Variants in EHBP1 observed in about 807,000 individuals in gnomAD.
The protein encoded by EHBP1 is EH domain-binding protein 1.
A neutral mutation model predicts 144.0 loss-of-function variants in EHBP1; 55 were observed. The ratio of observed to expected loss-of-function variants is 0.38; its 90% CI spans 0.31 to 0.48. The LOEUF is 0.48. Among genes scored for constraint, EHBP1 ranks in the 20% least tolerant of loss-of-function variants. The probability of loss-of-function intolerance (pLI) is 0.98; values close to 1 mark genes in which losing one functional copy is unlikely to be tolerated. For missense variants in EHBP1, 1,200 were observed against 1,364.2 expected (o/e 0.88, Z 1.90); for synonymous variants, 469 against 472.7 (o/e 0.99, Z 0.10).
intron 10 of EHBP1, among the ~76,000 whole-genome samples, chr2:62,935,340 A>T (rs1475472618): frequency 8.4e-4 from 117 of 138,602 alleles, no homozygotes; most frequent in African/African-American, 2.7e-3. Flanking sequence ...AAAAAAAAAA[A>T]AAAAATATAT....
At chr2:62,862,427 G>T (rs2049645409) in intron 8 of EHBP1, among the ~76,000 whole-genome samples, 1 of 152,018 alleles carries the variant, frequency 6.6e-6, no homozygotes, top group Admixed American at 6.5e-5. Flanking sequence ...TGGCCAACAG[G>T]GTGAAACCTC....
rs549615622 is a variant in EHBP1, at chr2:62,885,462, A to G, written c.1185+10930A>G. The stretch of plus-strand genomic sequence containing the variant: ...GTAAACTGACATTAAACATGTAACC[A>G]TCCAGTAAAATAAGTTAGTTCCAAT... On this transcript the variant is annotated intron_variant, in intron 10 of 22. Transcript: ENST00000431489. 9.2e-5 allele frequency among the ~76,000 whole-genome samples: 14 copies of G among 152,324 alleles called. No homozygotes were observed. In the South Asian group the frequency reaches 2.7e-3, roughly 29 times the overall value.
Position 62,969,495 on chromosome 2 carries a change from A to G in EHBP1, c.2461-9693A>G, listed in dbSNP as rs572898361. ...CATTTTCATGAATTAAATACGTTAGATGAAATCTAAATTCTTAAAATGTGT... is the reference window on the plus strand; with the variant it reads ...CATTTTCATGAATTAAATACGTTAGGTGAAATCTAAATTCTTAAAATGTGT... On this transcript the variant is annotated intron_variant, in intron 14 of 22. Transcript: ENST00000431489. 1.2e-3 allele frequency among the ~76,000 whole-genome samples: 189 copies of G among 152,316 alleles called. 1 individual carries two copies. The highest frequency in any genetic ancestry group is 4.4e-3 in the African/African-American group (184 of 41,582).
chr2:62,841,553 G>A (rs2152720886), intron 7 of EHBP1, among the ~76,000 whole-genome samples: 1 of 152,268 alleles, frequency 6.6e-6, no homozygotes, highest in East Asian at 1.9e-4. Context: ...GAGAGATGCA[G>A]TATGATTCTC....
chr2:62,855,555 A>C (rs1475748585), intron 7 of EHBP1, among the ~76,000 whole-genome samples: 2 of 152,064 alleles, frequency 1.3e-5, no homozygotes, highest in African/African-American at 4.8e-5. Context: ...CCAGAGTGGG[A>C]GGTTGTGGTG....
chr2:62,900,000 A>C (rs1045055650), intron 10 of EHBP1, among the ~76,000 whole-genome samples: 7 of 152,230 alleles, frequency 4.6e-5, no homozygotes, highest in Non-Finnish European at 8.8e-5. Context: ...CATTTCAGGC[A>C]AACACAAATT....
chr2:62,703,957 A>G (rs2034357864), upstream of EHBP1, among the ~76,000 whole-genome samples: 1 of 152,234 alleles, frequency 6.6e-6, no homozygotes, highest in African/African-American at 2.4e-5. Flanking sequence ...CCTTCTGATC[A>G]TCATGTGGAT....
At chr2:62,788,077 G>T (rs2042935060) in intron 5 of EHBP1, among the ~76,000 whole-genome samples, 2 of 152,058 alleles carry the variant, frequency 1.3e-5, no homozygotes. Flanking sequence ...GCCAGGAAAA[G>T]GGATTTTTAA....
At chr2:62,871,018 G>C (rs946440122) in intron 9 of EHBP1, among the ~76,000 whole-genome samples, 2 of 151,968 alleles carry the variant, frequency 1.3e-5, no homozygotes, top group African/African-American at 4.8e-5. Context: ...CTATATGGGG[G>C]GTTGAAAAGT....
intron 10 of EHBP1, among the ~76,000 whole-genome samples, chr2:62,894,504 A>G (rs1354148806): frequency 6.6e-6 from 1 of 152,158 alleles, no homozygotes; most frequent in African/African-American, 2.4e-5. Context: ...GAGCAAAGAA[A>G]GAAGGGGAAG....
chr2:63,042,440 A>T lies in EHBP1; in HGVS notation c.3278-2626A>T, dbSNP rs1341545702. Among the ~76,000 whole-genome samples the T allele has an allele frequency of 2.0e-5, 3 of 152,106 alleles. No homozygotes were observed. In the East Asian group the frequency reaches 5.8e-4, roughly 29 times the overall value. ...TTCACTGCACATTGCTATTTCCTGTACAGTTGACTAATATTTTGTAGACAG... is the reference window on the plus strand; with the variant it reads ...TTCACTGCACATTGCTATTTCCTGTTCAGTTGACTAATATTTTGTAGACAG... On this transcript the variant is annotated intron_variant, in intron 21 of 22. Transcript: ENST00000431489.
intron 15 of EHBP1, among the ~76,000 whole-genome samples, chr2:62,982,080 C>T (rs555459683): frequency 1.1e-4 from 17 of 152,292 alleles, no homozygotes; most frequent in African/African-American, 4.1e-4. Context: ...GACTAGGTCT[C>T]CTCTGGCCTC....
rs1207984483 is a variant in EHBP1, at chr2:62,706,072, G to A, written c.-296+20G>A. 3.2e-5 allele frequency: 5 copies of A among 154,000 alleles called. No individual in the cohort carries two copies. Among genetic ancestry groups the A allele is most frequent in the Admixed American group, 6.6e-5 (1 of 15,264 alleles). 9.5% of individuals were successfully genotyped at this position (154,000 alleles called of 1,614,324 possible). Reference sequence around the variant, plus strand: ...TTAGAGGTGTGAGGAGGGGGCGGGAGTGGACGAGCGGCGGGGCCGGGGCTC... The same window carrying A: ...TTAGAGGTGTGAGGAGGGGGCGGGAATGGACGAGCGGCGGGGCCGGGGCTC... On this transcript the variant is annotated intron_variant, in intron 1 of 22. Coordinates refer to ENST00000431489, the MANE Select transcript of EHBP1 (RefSeq NM_001142616.3).
intron 7 of EHBP1, among the ~76,000 whole-genome samples, chr2:62,832,906 A>C (rs1028137284): frequency 1.3e-5 from 2 of 152,214 alleles, no homozygotes; most frequent in African/African-American, 4.8e-5. Flanking sequence ...GAAATGATTA[A>C]GTTTTGTGGG....
intron 5 of EHBP1, among the ~76,000 whole-genome samples, chr2:62,808,357 T>C (rs2044680551): frequency 6.6e-6 from 1 of 152,054 alleles, no homozygotes; most frequent in East Asian, 1.9e-4. Flanking sequence ...AAGGTTTCTA[T>C]TGTGCTGTTC....
intron 7 of EHBP1, 86 bp downstream of exon 7, chr2:62,831,244 CT>C: frequency 7.6e-7 from 1 of 1,319,476 alleles, no homozygotes; most frequent in Non-Finnish European, 1.0e-6. Flanking sequence ...AAAAACAATT[CT>C]ACTTATTGGG....
chr2:62,990,383 G>T (rs1223113714), intron 15 of EHBP1, among the ~76,000 whole-genome samples: 2 of 151,994 alleles, frequency 1.3e-5, no homozygotes, highest in Non-Finnish European at 2.9e-5. Flanking sequence ...TATCTAGTTT[G>T]TTATAACAGC....
chr2:63,028,396 C>T (rs1313082273), intron 19 of EHBP1, among the ~76,000 whole-genome samples: 1 of 151,964 alleles, frequency 6.6e-6, no homozygotes, highest in Non-Finnish European at 1.5e-5. Context: ...AAACTGGAGG[C>T]TCTGGAGACA....
chr2:63,031,063 C>A (rs545422720), intron 19 of EHBP1, among the ~76,000 whole-genome samples: 37 of 152,312 alleles, frequency 2.4e-4, no homozygotes, highest in African/African-American at 7.5e-4. Context: ...TCCCAAAGTG[C>A]TGAGATTACA....
Sources: gnomAD v4.1 joint callset for allele counts (sites outside exome capture counted in the v4.1 genomes callset) on GRCh38, gnomAD v4.1.1 for gene constraint, MANE v1.5 for transcripts, NCBI Gene and HGNC (gene_info 2026-07-23, HGNC 2026-07-21) for gene names.